Variants in ITPR1 observed in about 807,000 individuals in gnomAD.
The protein encoded by ITPR1 is inositol 1,4,5-trisphosphate receptor type 1.
In ITPR1, 96 loss-of-function variants were observed where a neutral mutation model predicts 318.4. That is an observed-to-expected ratio of 0.30 (90% CI 0.26 to 0.36). The LOEUF is 0.36. Ranked by LOEUF, ITPR1 falls within the 10% of genes least tolerant of loss-of-function variation. The pLI is 1.00. For synonymous variants in ITPR1, 1,312 were observed against 1,289.9 expected (o/e 1.02, Z -0.37); for missense variants, 2,440 against 3,460.2 (o/e 0.71, Z 7.40).
At chr3:4,550,941 C>A (rs2085503828) in intron 4 of ITPR1, among the ~76,000 whole-genome samples, 1 of 151,762 alleles carries the variant, frequency 6.6e-6, no homozygotes, top group South Asian at 2.1e-4. Flanking sequence ...TGAGATGACT[C>A]CACTAGGAAC....
chr3:4,764,713 G>A (rs541318513), intron 44 of ITPR1, among the ~76,000 whole-genome samples: 1 of 152,362 alleles, frequency 6.6e-6, no homozygotes, highest in African/African-American at 2.4e-5. Context: ...GAATAGGGCA[G>A]TGGCATTGAG....
chr3:4,812,966 C>T, intron 56 of ITPR1, 176 bp from the exon 57 acceptor site: 1 of 612,472 alleles, frequency 1.6e-6, no homozygotes, highest in Non-Finnish European at 2.9e-6. Context: ...TGGCTTTTTT[C>T]CCATCCAGAT....
chr3:4,781,140 C>G (rs1403397378), intron 49 of ITPR1, among the ~76,000 whole-genome samples: 2 of 152,230 alleles, frequency 1.3e-5, no homozygotes, highest in African/African-American at 4.8e-5. Flanking sequence ...CAAGCTCAGA[C>G]AGTGAGGCTC....
At chr3:4,584,982 G>C (rs1303301248) in intron 4 of ITPR1, among the ~76,000 whole-genome samples, 1 of 152,192 alleles carries the variant, frequency 6.6e-6, no homozygotes, top group Non-Finnish European at 1.5e-5. Context: ...ACACCAGAAT[G>C]AAAACTGACT....
chr3:4,763,355 A>G (rs950509928), intron 44 of ITPR1, among the ~76,000 whole-genome samples: 2 of 152,216 alleles, frequency 1.3e-5, no homozygotes, highest in African/African-American at 4.8e-5. Flanking sequence ...CCCAGAACTT[A>G]ACAAATTTAA....
intron 8 of ITPR1, 31 bp from the exon 9 acceptor site, chr3:4,645,352 GGTAC>G (rs1450230433): frequency 1.4e-6 from 2 of 1,407,382 alleles, no homozygotes; most frequent in African/African-American, 2.8e-5. Context: ...TGTTGTGAGG[GGTAC>G]GTGAAAAAAT....
chr3:4,767,182 T>C (rs2045872050), intron 45 of ITPR1, among the ~76,000 whole-genome samples: 1 of 152,224 alleles, frequency 6.6e-6, no homozygotes, highest in South Asian at 2.1e-4. Flanking sequence ...CTTGAGAAAG[T>C]TAAGCATGCT....
At chr3:4,525,234 G>T (rs963978890) in intron 4 of ITPR1, among the ~76,000 whole-genome samples, 1 of 151,986 alleles carries the variant, frequency 6.6e-6, no homozygotes. Context: ...TGTGAGTTAG[G>T]GTCAAACAAT....
intron 4 of ITPR1, among the ~76,000 whole-genome samples, chr3:4,545,531 A>C (rs1243313508): frequency 6.6e-6 from 1 of 151,112 alleles, no homozygotes; most frequent in Non-Finnish European, 1.5e-5. Flanking sequence ...GCTGAGGTGT[A>C]AGGATCTCTG....
At chr3:4,737,862 T>G (rs920712136) in intron 44 of ITPR1, among the ~76,000 whole-genome samples, 11 of 152,178 alleles carry the variant, frequency 7.2e-5, no homozygotes, top group African/African-American at 2.7e-4. Flanking sequence ...TGGGTGGTGG[T>G]TACATGACTG....
chr3:4,503,730 T>C (rs891887867), intron 2 of ITPR1, among the ~76,000 whole-genome samples: 1 of 152,054 alleles, frequency 6.6e-6, no homozygotes, highest in Non-Finnish European at 1.5e-5. Flanking sequence ...CCCTAGAATG[T>C]CAGTAGTGAA....
chr3:4,705,888 A>G (rs2094746603), intron 36 of ITPR1, among the ~76,000 whole-genome samples: 1 of 152,192 alleles, frequency 6.6e-6, no homozygotes, highest in African/African-American at 2.4e-5. Context: ...TTCATTGAGG[A>G]AACCCATTGA....
Position 4,611,057 on chromosome 3 carries a change from C to T in ITPR1, c.164-16706C>T, listed in dbSNP as rs183993026. Among the ~76,000 whole-genome samples, 124 of 88,282 alleles carry T rather than the reference C, an allele frequency of 1.4e-3. 1 individual carries two copies. The highest frequency in any genetic ancestry group is 6.5e-3 in the African/African-American group (114 of 17,618). 57.9% of individuals were successfully genotyped at this position (88,282 alleles called of 152,430 possible). A position where few individuals can be genotyped will look rare whatever the true frequency, so the allele number is the denominator to read the frequency against. On this transcript the variant is annotated intron_variant, in intron 4 of 61. Transcript: ENST00000649015. ...TCCCTCCCTCCCTCCCTCCCTCCCT[C>T]CCTTCCTTCCTTCCCTTTCTGTCTG...
intron 4 of ITPR1, among the ~76,000 whole-genome samples, chr3:4,537,335 G>A (rs2083966820): frequency 6.6e-6 from 1 of 151,914 alleles, no homozygotes; most frequent in East Asian, 1.9e-4. Context: ...GTTTCTTCCT[G>A]GGTAAATATT....
At chr3:4,558,479 C>A (rs1029813445) in intron 4 of ITPR1, among the ~76,000 whole-genome samples, 1 of 151,840 alleles carries the variant, frequency 6.6e-6, no homozygotes, top group South Asian at 2.1e-4. Context: ...AAAATATAGA[C>A]AATAGATGGT....
intron 24 of ITPR1, among the ~76,000 whole-genome samples, chr3:4,678,131 C>A (rs2094221544): frequency 6.6e-6 from 1 of 152,046 alleles, no homozygotes; most frequent in South Asian, 2.1e-4. Context: ...AGTCTGAAAT[C>A]ACCCTTTACC....
rs745901966 is a variant in ITPR1 at position 4,768,644 on chromosome 3, C to G, written c.5859C>G (p.Gly1953=). Residue 1953 remains glycine (G), a synonymous_variant, in exon 46 of 62, where the codon GGC becomes GGG. Transcript: ENST00000649015. The part of the protein sequence containing the change: ...DPDDHYQPGE[G]TQATADKAKD... ...ACGACCACTACCAGCCTGGAGAGGG[C>G]ACCCAGGCCACTGCCGACAAGGCCA... 6.2e-7 allele frequency: 1 copy of G among 1,614,020 alleles called. No individual in the cohort carries two copies. The highest frequency in any genetic ancestry group is 1.3e-5 in the African/African-American group (1 of 75,058).
intron 4 of ITPR1, among the ~76,000 whole-genome samples, chr3:4,616,512 A>T (rs2092394815): frequency 6.6e-6 from 1 of 152,218 alleles, no homozygotes; most frequent in Admixed American, 6.5e-5. Context: ...ATGAATGCTG[A>T]ACACTTCCCA....
chr3:4,705,767 G>A (rs2094743703), intron 36 of ITPR1, among the ~76,000 whole-genome samples: 1 of 152,142 alleles, frequency 6.6e-6, no homozygotes, highest in Non-Finnish European at 1.5e-5. Flanking sequence ...CATTTTTGTA[G>A]ATTGTTGAAC....
Sources: gnomAD v4.1 joint callset for allele counts (sites outside exome capture counted in the v4.1 genomes callset) on GRCh38, gnomAD v4.1.1 for gene constraint, MANE v1.5 for transcripts, NCBI Gene and HGNC (gene_info 2026-07-23, HGNC 2026-07-21) for gene names.